The following PRPF6 variants were observed in gnomAD, a reference collection of about 807,000 sequenced individuals.
PRPF6 encodes pre-mRNA processing factor 6, also known as pre-mRNA-processing factor 6.
PRPF6 carries 42 observed loss-of-function variants against 118.3 expected under a neutral mutation model. The ratio of observed to expected loss-of-function variants is 0.35; its 90% CI spans 0.28 to 0.46. The LOEUF is 0.46. PRPF6 is among the 20% of genes least tolerant of loss of function. The probability of loss-of-function intolerance (pLI) is 1.00; values close to 1 mark genes in which losing one functional copy is unlikely to be tolerated. For missense variants in PRPF6, 662 were observed against 1,255.7 expected (o/e 0.53, Z 7.15); for synonymous variants, 481 against 485.1 (o/e 0.99, Z 0.11).
intron 12 of PRPF6, among the ~76,000 whole-genome samples, chr20:64,017,458 C>T (rs1260113944): frequency 2.1e-5 from 3 of 143,534 alleles, no homozygotes; most frequent in Non-Finnish European, 3.0e-5. Flanking sequence ...CCGCCCTGCC[C>T]GGCCTCCCAG....
chr20:63,982,993 A>G, intron 1 of PRPF6, 54 bp from the exon 2 acceptor site: 1 of 1,596,950 alleles, frequency 6.3e-7, no homozygotes. Flanking sequence ...GGAGTGGAGA[A>G]GAGCACAGGA....
chr20:64,017,190 G>A (rs1273830664), intron 12 of PRPF6, among the ~76,000 whole-genome samples: 3 of 152,194 alleles, frequency 2.0e-5, no homozygotes, highest in East Asian at 1.9e-4. Flanking sequence ...GATCCACCCC[G>A]CCTTGGCTTC....
chr20:64,015,835 A>G (rs1008790308), intron 11 of PRPF6, among the ~76,000 whole-genome samples: 32 of 152,194 alleles, frequency 2.1e-4, no homozygotes, highest in African/African-American at 7.7e-4. Context: ...CATCTTGAAA[A>G]TAAGAATAGG....
At chr20:63,994,680 AG>A (rs2059133664) in intron 4 of PRPF6, among the ~76,000 whole-genome samples, 2 of 152,294 alleles carry the variant, frequency 1.3e-5, no homozygotes, top group Admixed American at 6.5e-5. Flanking sequence ...CTGAAGTGGG[AG>A]GATCACTTGA....
chr20:64,004,096 A>C (rs2059179641), intron 9 of PRPF6, among the ~76,000 whole-genome samples: 1 of 152,202 alleles, frequency 6.6e-6, no homozygotes, highest in Non-Finnish European at 1.5e-5. Context: ...AATGATCATG[A>C]ATGTCTTTGT....
Position 64,027,754 on chromosome 20 carries a change from C to A in PRPF6, c.2339+18C>A. 1 of 1,613,372 alleles carries A rather than the reference C, an allele frequency of 6.2e-7. No individual in the cohort carries two copies. The highest frequency in any genetic ancestry group is 8.5e-7 in the Non-Finnish European group (1 of 1,179,926). On this transcript the variant is annotated intron_variant, in intron 17 of 20. Transcript: ENST00000266079. This position sits in a 1 kb window ranked among gnomAD's most constrained non-coding sequence, Gnocchi z 6.5. The stretch of plus-strand genomic sequence containing the variant: ...GGGCTGTGGTGAGTCCTGGAGGGGG[C>A]AGCCTGGCCTCTGGGCACAGCTTCC...
At chr20:63,997,690 C>T (rs538403662) in intron 6 of PRPF6, among the ~76,000 whole-genome samples, 2 of 151,966 alleles carry the variant, frequency 1.3e-5, no homozygotes, top group South Asian at 2.1e-4. Flanking sequence ...CTCCTGACCT[C>T]GTGATCCACT....
chr20:63,983,502 C>T (rs916663686), intron 2 of PRPF6, among the ~76,000 whole-genome samples: 5 of 144,524 alleles, frequency 3.5e-5, no homozygotes, highest in Admixed American at 7.0e-5. Flanking sequence ...TCGCTCTTGT[C>T]GGAAGAGATG....
Position 64,033,010 on chromosome 20 carries a change from G to A in PRPF6, c.*17G>A. ...ACCTTCTGATTGAGCGGTTGCCATG[G>A]CCGGTCTCCGTGGGGCAGGGTTGGG... On this transcript the variant is annotated 3_prime_UTR_variant, in exon 21 of 21. Coordinates refer to ENST00000266079, the MANE Select transcript of PRPF6 (RefSeq NM_012469.4). The A allele has an allele frequency of 6.2e-7, 1 of 1,613,020 alleles. No individual in the cohort carries two copies. Among genetic ancestry groups the A allele is most frequent in the Non-Finnish European group, 8.5e-7 (1 of 1,179,998 alleles).
At chr20:63,992,188 T>C (rs975227921) in intron 3 of PRPF6, among the ~76,000 whole-genome samples, 7 of 152,156 alleles carry the variant, frequency 4.6e-5, no homozygotes, top group Non-Finnish European at 8.8e-5. Context: ...TGGATTCAGA[T>C]GATTCTCCTG....
chr20:64,022,677 A>G, intron 12 of PRPF6, 80 bp from the exon 13 acceptor site: 1 of 1,586,476 alleles, frequency 6.3e-7, no homozygotes, highest in Admixed American at 1.7e-5. Flanking sequence ...TCAGAATCGT[A>G]TGAGCCTGGG....
At position 64,029,552 on chromosome 20, in the gene PRPF6, G is replaced by T; in HGVS notation, c.2546+61G>T. The T allele has an allele frequency of 7.2e-7, 1 of 1,390,504 alleles. No homozygotes were observed. The highest frequency in any genetic ancestry group is 1.4e-5 in the African/African-American group (1 of 70,544). The allele number at this position is 1,390,504 out of a possible 1,614,324, so 86.1% of individuals were successfully genotyped here. On this transcript the variant is annotated intron_variant, in intron 19 of 20. Coordinates refer to ENST00000266079, the MANE Select transcript of PRPF6 (RefSeq NM_012469.4). This position sits in a 1 kb window ranked among gnomAD's most constrained non-coding sequence, Gnocchi z 4.8. ...GGTCCTAATGGGCTCTTTTTCCAGAGTCTGTCTGCCTCTTCCTGGTCATTG... is the reference window on the plus strand; with the variant it reads ...GGTCCTAATGGGCTCTTTTTCCAGATTCTGTCTGCCTCTTCCTGGTCATTG...
intron 12 of PRPF6, among the ~76,000 whole-genome samples, chr20:64,021,742 T>C (rs1450522572): frequency 6.6e-6 from 1 of 150,604 alleles, no homozygotes; most frequent in Non-Finnish European, 1.5e-5. Context: ...TGCGTGTGTG[T>C]GTGTGCACGT....
rs1224032035 is a variant in PRPF6, at chr20:64,027,071, G to A, written c.2118G>A (p.Glu706=). 2.5e-6 allele frequency: 4 copies of A among 1,614,078 alleles called. No homozygotes were observed. Among genetic ancestry groups the A allele is most frequent in the South Asian group, 1.1e-5 (1 of 91,086 alleles). ...GCGAGGAGGCCCTGCGGCACTATGA[G>A]GACTTCCCCAAGCTGTGGATGATGA... ...DLCEEALRHY[E]DFPKLWMMKG... is the part of the protein sequence containing the mutation. Residue 706 remains glutamate, a synonymous_variant, in exon 16 of 21, where the codon GAG becomes GAA. Coordinates refer to ENST00000266079, the MANE Select transcript of PRPF6 (RefSeq NM_012469.4). This position sits in a 1 kb window ranked among gnomAD's most constrained non-coding sequence, Gnocchi z 6.5.
At chr20:63,988,730 A>G (rs549787323) in intron 3 of PRPF6, among the ~76,000 whole-genome samples, 4 of 148,766 alleles carry the variant, frequency 2.7e-5, no homozygotes, top group East Asian at 4.1e-4. Context: ...TTAGTTGGGC[A>G]TGGTGACAGG....
chr20:64,003,623 T>A (rs1293504900), intron 9 of PRPF6, among the ~76,000 whole-genome samples: 1 of 152,016 alleles, frequency 6.6e-6, no homozygotes, highest in Admixed American at 6.6e-5. Context: ...TGAGACAGAG[T>A]CTCGCTCTGT....
chr20:64,020,761 C>T (rs564220460), intron 12 of PRPF6, among the ~76,000 whole-genome samples: 25 of 149,698 alleles, frequency 1.7e-4, no homozygotes, highest in African/African-American at 5.1e-4. Context: ...AACTTTTTAT[C>T]GTGGTAAATA....
Position 64,032,864 on chromosome 20 carries a change from G to C in PRPF6, c.2697G>C (p.Lys899Asn), listed in dbSNP as rs1333010067. 6.2e-7 allele frequency: 1 copy of C among 1,611,684 alleles called. No homozygotes were observed. The highest frequency in any genetic ancestry group is 2.2e-5 in the East Asian group (1 of 44,848). Reference protein sequence around the residue: ...GTEEQQEEVRKRCESAEPRHG... With the variant: ...GTEEQQEEVRNRCESAEPRHG... Reference sequence around the variant, plus strand: ...AGGAGCAGCAGGAGGAGGTGAGGAAGCGCTGTGAGAGTGCAGAGCCTCGGC... The same window carrying C: ...AGGAGCAGCAGGAGGAGGTGAGGAACCGCTGTGAGAGTGCAGAGCCTCGGC... The change falls in exon 21 of 21, where the codon AAG becomes AAC. Residue 899 changes from lysine (K) to asparagine (N), a missense_variant. Physicochemically the swap from Lys to Asn is moderately conservative, Grantham distance 94. This residue lies in a region of PRPF6 where 244 missense variants were observed against 383.7 expected (regional missense o/e 0.64). Coordinates refer to ENST00000266079, the MANE Select transcript of PRPF6 (RefSeq NM_012469.4).
rs200827223 is a variant in PRPF6 at position 63,993,270 on chromosome 20, A to G, written c.360-137A>G. On this transcript the variant is annotated intron_variant, in intron 3 of 20. Coordinates refer to ENST00000266079, the MANE Select transcript of PRPF6 (RefSeq NM_012469.4). ...TGTGTGTGTGTGTGTGTGTATATGT[A>G]TATATATATATATATATTTGATTTA... The G allele has an allele frequency of 5.6e-3, 1,255 of 222,472 alleles. 13 individuals are homozygous for G. The highest frequency in any genetic ancestry group is 0.015 in the African/African-American group (607 of 41,218). 13.8% of individuals were successfully genotyped at this position (222,472 alleles called of 1,614,324 possible).
Sources: gnomAD v4.1 joint callset for allele counts (sites outside exome capture counted in the v4.1 genomes callset) on GRCh38, gnomAD v4.1.1 for gene constraint, gnomAD v4.1.1 regional missense constraint, Gnocchi (gnomAD v3.1) non-coding constraint, MANE v1.5 for transcripts, NCBI Gene and HGNC (gene_info 2026-07-23, HGNC 2026-07-21) for gene names.